Variants in ZNF141 observed in about 807,000 individuals in gnomAD.
The protein encoded by ZNF141 is zinc finger protein 141 (clone pHZ-44).
Under a neutral mutation model 11.3 loss-of-function variants are expected in ZNF141, and 7 were observed. That is an observed-to-expected ratio of 0.62 (90% CI 0.35 to 1.16). The LOEUF (loss-of-function observed/expected upper bound fraction) is 1.16, where lower values mean the gene tolerates loss of function less well. ZNF141 is among the 50% of genes most tolerant of loss of function. ZNF141 has a pLI of 0.02. For missense variants in ZNF141, 535 were observed against 554.0 expected (o/e 0.97, Z 0.34); for synonymous variants, 183 against 190.7 (o/e 0.96, Z 0.33).
At chr4:369,748 ATATATATATATATATAT>A (rs1711938085) in intron 3 of ZNF141, among the ~76,000 whole-genome samples, 2 of 36,324 alleles carry the variant, frequency 5.5e-5, no homozygotes, top group Non-Finnish European at 1.1e-4. Context: ...ATATATATAT[ATATATATATATATATAT>A]TTTTTTTTTT....
chr4:343,935 C>G (rs1402209351), intron 2 of ZNF141, 27 bp downstream of exon 2: 5 of 1,575,668 alleles, frequency 3.2e-6, no homozygotes, highest in Non-Finnish European at 4.3e-6. Context: ...TACATAATTC[C>G]TAATTTTTCT....
At chr4:351,482 C>T (rs1553850448) in intron 3 of ZNF141, among the ~76,000 whole-genome samples, 1 of 152,056 alleles carries the variant, frequency 6.6e-6, no homozygotes, top group African/African-American at 2.4e-5. Flanking sequence ...CCTCGGCCTC[C>T]AAAAGTGCTG....
intron 3 of ZNF141, among the ~76,000 whole-genome samples, chr4:366,489 T>C (rs1230678569): frequency 6.6e-6 from 1 of 151,850 alleles, no homozygotes; most frequent in Non-Finnish European, 1.5e-5. Context: ...TTTTTAGTAG[T>C]GACGGGGTTT....
rs1553855911 is a variant in ZNF141, at chr4:383,154, A to G, written c.*9292A>G. The G allele has an allele frequency of 2.8e-6, 2 of 701,912 alleles. No individual in the cohort carries two copies. The highest frequency in any genetic ancestry group is 5.4e-5 in the East Asian group (2 of 37,238). 43.5% of individuals were successfully genotyped at this position (701,912 alleles called of 1,614,324 possible). A position where few individuals can be genotyped will look rare whatever the true frequency, so the allele number is the denominator to read the frequency against. The stretch of plus-strand genomic sequence containing the variant: ...AGCTTTCTGGAGAATAGCATCTGAG[A>G]AAAGCCAAAGTGCCTCAGTTTACAG... On this transcript the variant is annotated 3_prime_UTR_variant, in exon 4 of 4. Transcript: ENST00000240499.
rs1170655461 is a variant in ZNF141 at position 337,949 on chromosome 4, T to C, written c.-35T>C. On this transcript the variant is annotated 5_prime_UTR_variant, in exon 1 of 4. Coordinates refer to ENST00000240499, the MANE Select transcript of ZNF141 (RefSeq NM_003441.4). Reference sequence around the variant, plus strand: ...TGACCTGCGGGTATTGGATGATTGGTAGCTAAGACTCCCGAATACTTCAGA... The same window carrying C: ...TGACCTGCGGGTATTGGATGATTGGCAGCTAAGACTCCCGAATACTTCAGA... 1.9e-6 allele frequency: 3 copies of C among 1,612,188 alleles called. No homozygotes were observed. The highest frequency in any genetic ancestry group is 2.2e-5 in the East Asian group (1 of 44,792).
At position 347,634 on chromosome 4, in the gene ZNF141, C is replaced by T. The variant is rs529085337; in HGVS notation, c.226+3204C>T. Among the ~76,000 whole-genome samples, 6 of 151,756 alleles carry T rather than the reference C, an allele frequency of 4.0e-5. No homozygotes were observed. The South Asian group carries it at 6.2e-4, about 16-fold the overall frequency. ...GATTACAGGCGTGAGCCAAGGAGCCCGGCCGCGCCCAGCCTAGTTTTATTC... is the reference window on the plus strand; with the variant it reads ...GATTACAGGCGTGAGCCAAGGAGCCTGGCCGCGCCCAGCCTAGTTTTATTC... On this transcript the variant is annotated intron_variant, in intron 3 of 3. Transcript: ENST00000240499.
chr4:384,816 C>G lies in ZNF141; in HGVS notation c.*10954C>G, dbSNP rs1553856201. On this transcript the variant is annotated 3_prime_UTR_variant, in exon 4 of 4. Coordinates refer to ENST00000240499, the MANE Select transcript of ZNF141 (RefSeq NM_003441.4). ...TTCTGGCAACCTGCTTTCATGTCCC[C>G]TTTCTGCTGAGAGCTTTCCTTTTGC... The G allele has an allele frequency of 6.6e-6, 1 of 152,296 alleles. No individual in the cohort carries two copies. 9.4% of individuals were successfully genotyped at this position (152,296 alleles called of 1,614,324 possible). A position where few individuals can be genotyped will look rare whatever the true frequency, so the allele number is the denominator to read the frequency against.
At chr4:355,151 T>C (rs1721783632) in intron 3 of ZNF141, among the ~76,000 whole-genome samples, 1 of 151,948 alleles carries the variant, frequency 6.6e-6, no homozygotes, top group Non-Finnish European at 1.5e-5. Flanking sequence ...ATAATGAAGT[T>C]TTTTTAATGA....
intron 3 of ZNF141, among the ~76,000 whole-genome samples, chr4:351,817 C>T (rs1419442413): frequency 6.6e-6 from 1 of 152,096 alleles, no homozygotes; most frequent in Non-Finnish European, 1.5e-5. Context: ...TCAAATTAGA[C>T]AGGGAAGGAG....
chr4:346,893 A>ACACACACACACACAC (rs373224939), intron 3 of ZNF141, among the ~76,000 whole-genome samples: 5 of 135,438 alleles, frequency 3.7e-5, no homozygotes, highest in Admixed American at 2.9e-4. Flanking sequence ...ACACACACAC[A>ACACACACACACACAC]CCGCCCCCCC....
intron 3 of ZNF141, among the ~76,000 whole-genome samples, chr4:362,960 A>G (rs188072263): frequency 1.3e-5 from 2 of 152,320 alleles, no homozygotes; most frequent in Non-Finnish European, 2.9e-5. Context: ...TCTATAAATT[A>G]CCTTGGGCAG....
intron 3 of ZNF141, among the ~76,000 whole-genome samples, chr4:367,352 A>T (rs1711793430): frequency 6.6e-6 from 1 of 152,154 alleles, no homozygotes. Flanking sequence ...GGTTTTGAAT[A>T]GTCATTGAAA....
Position 374,352 on chromosome 4 carries a change from C to T in ZNF141, c.*490C>T. 1 of 341,158 alleles carries T rather than the reference C, an allele frequency of 2.9e-6. No homozygotes were observed. The highest frequency in any genetic ancestry group is 5.9e-6 in the Non-Finnish European group (1 of 168,804). 21.1% of individuals were successfully genotyped at this position (341,158 alleles called of 1,614,324 possible). On this transcript the variant is annotated 3_prime_UTR_variant, in exon 4 of 4. Transcript: ENST00000240499. ...AACCCTTAATGAACGTAAGTGAATT[C>T]ATGCTGGAGCAAAATGCTTCACATG...
At position 381,994 on chromosome 4, in the gene ZNF141, G is replaced by A. The variant is rs1452731795; in HGVS notation, c.*8132G>A. The stretch of plus-strand genomic sequence containing the variant: ...ACGGAGTCTCACTCTCGCCCAGGCT[G>A]GAGTGCAGTGGCTCGATCTCGGCTC... On this transcript the variant is annotated 3_prime_UTR_variant, in exon 4 of 4. Transcript: ENST00000240499. 2.1e-5 allele frequency among the ~76,000 whole-genome samples: 3 copies of A among 141,448 alleles called. No homozygotes were observed. Among genetic ancestry groups the A allele is most frequent in the South Asian group, 2.2e-4 (1 of 4,504 alleles). 92.8% of individuals were successfully genotyped at this position (141,448 alleles called of 152,430 possible).
chr4:347,450 C>T (rs1721389171), intron 3 of ZNF141, among the ~76,000 whole-genome samples: 1 of 151,612 alleles, frequency 6.6e-6, no homozygotes, highest in Non-Finnish European at 1.5e-5. Flanking sequence ...CGCCATTCTC[C>T]TGCCTCAGCC....
At chr4:359,186 A>G (rs1231506075) in intron 3 of ZNF141, among the ~76,000 whole-genome samples, 2 of 152,210 alleles carry the variant, frequency 1.3e-5, no homozygotes, top group African/African-American at 2.4e-5. Flanking sequence ...CTGGGTCTAC[A>G]GTGAAGTTAA....
intron 3 of ZNF141, among the ~76,000 whole-genome samples, chr4:357,256 T>C (rs1450075164): frequency 1.3e-5 from 2 of 152,228 alleles, no homozygotes; most frequent in East Asian, 1.9e-4. Flanking sequence ...GCCCAGTCAT[T>C]TCTTTTTTTA....
At chr4:338,430 G>C (rs551354420) in intron 1 of ZNF141, 10 of 165,988 alleles carry the variant, frequency 6.0e-5, no homozygotes, top group Non-Finnish European at 1.0e-4. Flanking sequence ...CGTGGTTTGG[G>C]GGCTGCCAGC....
At chr4:355,723 A>G (rs1721809532) in intron 3 of ZNF141, among the ~76,000 whole-genome samples, 1 of 152,184 alleles carries the variant, frequency 6.6e-6, no homozygotes, top group South Asian at 2.1e-4. Flanking sequence ...TTTTTGCTTA[A>G]TAACAATATT....
Sources: allele counts gnomAD v4.1 joint callset (sites outside exome capture counted in the v4.1 genomes callset), GRCh38; gene constraint gnomAD v4.1.1; transcripts MANE v1.5; gene names NCBI Gene and HGNC (gene_info 2026-07-23, HGNC 2026-07-21).